ZNF467: variants seen among roughly 807,000 people sequenced by gnomAD.
ZNF467 encodes the protein zinc finger protein 467, also known as zinc finger protein EZI.
In ZNF467, 51 loss-of-function variants were observed where a neutral mutation model predicts 47.8. That is an observed-to-expected ratio of 1.07 (90% confidence interval 0.85 to 1.35). ZNF467 has a LOEUF of 1.35. ZNF467 is among the 40% of genes most tolerant of loss of function. The pLI, the probability that ZNF467 is intolerant of heterozygous loss-of-function variation, is 0.00. For synonymous variants in ZNF467, 416 were observed against 372.9 expected, an observed-to-expected ratio of 1.12 and a Z score of -1.33; for missense variants, 992 against 858.1, an observed-to-expected ratio of 1.16 and a Z score of -1.95.
chr7:149,768,520 C>T (rs563126956), intron 4 of ZNF467, among the ~76,000 whole-genome samples: 9 of 152,272 alleles, frequency 5.9e-5, no homozygotes, highest in African/African-American at 1.9e-4. Context: ...TGTATGTAGT[C>T]GGCACTCAAT....
intron 4 of ZNF467, among the ~76,000 whole-genome samples, chr7:149,766,636 C>T (rs1375551516): frequency 1.3e-5 from 2 of 152,224 alleles, no homozygotes; most frequent in East Asian, 1.9e-4. Flanking sequence ...AGCAGCTCTC[C>T]TTGGTACTGC....
rs1282129209 is a variant in ZNF467 at position 149,766,111 on chromosome 7, C to G, written c.391G>C (p.Ala131Pro). 1.2e-6 allele frequency: 2 copies of G among 1,608,290 alleles called. No individual in the cohort carries two copies. Among genetic ancestry groups the G allele is most frequent in the South Asian group, 2.2e-5 (2 of 90,770 alleles). The change falls in exon 5 of 5, where the codon GCT becomes CCT. Residue 131 changes from alanine to proline, a missense_variant. By Grantham distance (27) the Ala-to-Pro change is conservative. Transcript: ENST00000302017. ...PFPAPDLGHLAAAYKLEPGAP... is the reference protein window; with the variant it reads ...PFPAPDLGHLPAAYKLEPGAP... ...CCTGGCTCCAGTTTGTACGCGGCAG[C>G]CAGATGCCCCAGGTCAGGCGCGGGA...
upstream of ZNF467, among the ~76,000 whole-genome samples, chr7:149,773,999 T>C (rs1799508184): frequency 6.6e-6 from 1 of 150,970 alleles, no homozygotes; most frequent in Non-Finnish European, 1.5e-5. Context: ...TTAAGCCAGG[T>C]CCCCTGGGAG....
In ZNF467 at chr7:149,769,624, T is replaced by C. The variant is rs1006195175; in HGVS notation, c.152-424A>G. Among the ~76,000 whole-genome samples the C allele has an allele frequency of 1.3e-5, 2 of 152,220 alleles. No individual in the cohort carries two copies. The highest frequency in any genetic ancestry group is 4.8e-5 in the African/African-American group (2 of 41,458). On this transcript the variant is annotated intron_variant, in intron 3 of 4. Transcript: ENST00000302017. The surrounding 1 kb of genome is among the most constrained non-coding windows in gnomAD (Gnocchi z 5.3). ...GCCAGGCACATTCCTGCCTTAGTGCTCTGTCCTGGCTGTACTCCTGCCTGA... is the reference window on the plus strand; with the variant it reads ...GCCAGGCACATTCCTGCCTTAGTGCCCTGTCCTGGCTGTACTCCTGCCTGA...
In ZNF467 at chr7:149,765,749, C is replaced by A; in HGVS notation, c.753G>T (p.Lys251Asn). The part of the protein sequence containing the change: ...ERPYPCAECG[K>N]RFSQKIHLGS... The stretch of plus-strand genomic sequence containing the variant: ...CCAGGTGGATCTTCTGGCTGAAGCG[C>A]TTGCCGCACTCCGCGCACGGGTAGG... The change falls in exon 5 of 5, where the codon AAG becomes AAT. Residue 251 changes from lysine (K) to asparagine (N), a missense_variant. Transcript: ENST00000302017. The A allele has an allele frequency of 6.2e-7, 1 of 1,612,658 alleles. No individual in the cohort carries two copies. Among genetic ancestry groups the A allele is most frequent in the Non-Finnish European group, 8.5e-7 (1 of 1,179,556 alleles).
At position 149,765,287 on chromosome 7, in the gene ZNF467, G is replaced by C; in HGVS notation, c.1215C>G (p.Ser405Arg). The change falls in exon 5 of 5, where the codon AGC becomes AGG. Residue 405 changes from serine to arginine, a missense_variant. Physicochemically the swap from Ser to Arg is moderately radical, Grantham distance 110. Transcript: ENST00000302017. ...GGCCGCAGCCCGGTCCGCCAGGCGC[G>C]CTGGCCAGGGGCTTGGCGGCGGGGG... ...VDAPAAKPLASAPGGPGCGPG... is the reference protein window; with the variant it reads ...VDAPAAKPLARAPGGPGCGPG... The C allele has an allele frequency of 6.8e-7, 1 of 1,464,462 alleles. No homozygotes were observed. Among genetic ancestry groups the C allele is most frequent in the Non-Finnish European group, 9.0e-7 (1 of 1,107,634 alleles). The allele number at this position is 1,464,462 out of a possible 1,614,324, so 90.7% of individuals were successfully genotyped here. A position where few individuals can be genotyped will look rare whatever the true frequency, so the allele number is the denominator to read the frequency against.
intron 1 of ZNF467, among the ~76,000 whole-genome samples, chr7:149,772,262 C>G (rs866369732): frequency 0.019 from 736 of 37,936 alleles, 50 homozygotes; most frequent in African/African-American, 0.091. Context: ...CTCCCCCTCC[C>G]CCCTCCCTTC....
chr7:149,769,795 C>T lies in ZNF467; in HGVS notation c.152-595G>A, dbSNP rs529968898. ...CCTGGGCTTCAAGGGATCCTCCTGC[C>T]CCAGCCTCCCAAGTAGCTGGGAACA... On this transcript the variant is annotated intron_variant, in intron 3 of 4. Coordinates refer to ENST00000302017, the MANE Select transcript of ZNF467 (RefSeq NM_207336.3). The surrounding 1 kb of genome is among the most constrained non-coding windows in gnomAD (Gnocchi z 5.3). 5.3e-5 allele frequency among the ~76,000 whole-genome samples: 8 copies of T among 152,298 alleles called. No individual in the cohort carries two copies. The highest frequency in any genetic ancestry group is 1.2e-4 in the Non-Finnish European group (8 of 68,040).
At chr7:149,775,780 G>A (rs913930683), upstream of ZNF467, among the ~76,000 whole-genome samples, 1 of 151,720 alleles carries the variant, frequency 6.6e-6, no homozygotes, top group African/African-American at 2.4e-5. Context: ...CACTGGAAGG[G>A]GACAGGAAGG....
Position 149,764,553 on chromosome 7 carries a change from G to A in ZNF467, c.*161C>T, listed in dbSNP as rs1472221637. On this transcript the variant is annotated 3_prime_UTR_variant, in exon 5 of 5. Coordinates refer to ENST00000302017, the MANE Select transcript of ZNF467 (RefSeq NM_207336.3). ...GTCTCTGTCCTAGGAGGTCCGAGCT[G>A]GGTATGCTGTGCGGACGCAGACACT... 5 of 1,313,150 alleles carry A rather than the reference G, an allele frequency of 3.8e-6. No homozygotes were observed. Among genetic ancestry groups the A allele is most frequent in the African/African-American group, 1.5e-5 (1 of 68,680 alleles). 81.3% of individuals were successfully genotyped at this position (1,313,150 alleles called of 1,614,324 possible). A position where few individuals can be genotyped will look rare whatever the true frequency, so the allele number is the denominator to read the frequency against.
chr7:149,775,931 G>A, upstream of ZNF467: 1 of 820,840 alleles, frequency 1.2e-6, no homozygotes, highest in Non-Finnish European at 1.8e-6. Flanking sequence ...CTGCGGGGAG[G>A]CTGCGTGGGG....
chr7:149,770,522 T>C lies in ZNF467; in HGVS notation c.69A>G (p.Gln23=), dbSNP rs759742585. The C allele has an allele frequency of 3.0e-5, 49 of 1,613,518 alleles. No individual in the cohort carries two copies. The highest frequency in any genetic ancestry group is 5.3e-5 in the African/African-American group (4 of 74,876). ...FSVGQPEMAP[Q]SEPREGSHNA... ...TATGGGATCCTTCCCTGGGCTCACT[T>C]TGGGGGGCCATCTCTGGCTGTCCCA... is the stretch of plus-strand genomic sequence containing the variant. The change falls in exon 3 of 5, where the codon CAA becomes CAG. Residue 23 remains glutamine (Q), a synonymous_variant. Transcript: ENST00000302017.
chr7:149,766,346 A>G (rs1399522325), intron 4 of ZNF467, 107 bp from the exon 5 acceptor site: 3 of 1,464,346 alleles, frequency 2.0e-6, no homozygotes, highest in Non-Finnish European at 2.7e-6. Flanking sequence ...TCTGCTCTCC[A>G]CTCTACCTAA....
At chr7:149,775,924 C>T (rs189518616), upstream of ZNF467, 466 of 752,362 alleles carry the variant, frequency 6.2e-4, 1 homozygote, top group East Asian at 0.01. Context: ...CACTGGGCTG[C>T]GGGGAGGCTG....
rs755493842 is a variant in ZNF467, at chr7:149,770,440, C to G, written c.151G>C (p.Gly51Arg). 2 of 1,603,368 alleles carry G rather than the reference C, an allele frequency of 1.2e-6. No homozygotes were observed. Among genetic ancestry groups the G allele is most frequent in the African/African-American group, 2.7e-5 (2 of 74,454 alleles). Reference protein sequence around the residue: ...REERALGVCSGHEAPTPEEGA... With the variant: ...REERALGVCSRHEAPTPEEGA... ...CCTTTCCAGGGTTCCTGTTACCTAC[C>G]TGAGCACACCCCCAGTGCTCTCTCT... The change falls in exon 3 of 5, where the codon GGG (glycine) becomes CGG (arginine). Residue 51 changes from glycine to arginine, a missense_variant and splice_region_variant. By Grantham distance (125) the Gly-to-Arg change is moderately radical. Transcript: ENST00000302017.
chr7:149,767,984 C>G (rs1799274087), intron 4 of ZNF467, among the ~76,000 whole-genome samples: 1 of 152,226 alleles, frequency 6.6e-6, no homozygotes, highest in Non-Finnish European at 1.5e-5. Context: ...TTTCCTGCTT[C>G]AAGATCTTCT....
At position 149,765,793 on chromosome 7, in the gene ZNF467, T is replaced by G; in HGVS notation, c.709A>C (p.Thr237Pro). The change falls in exon 5 of 5, where the codon ACG (threonine) becomes CCG (proline). Residue 237 changes from threonine to proline, a missense_variant. Thr to Pro is a conservative substitution (Grantham distance 38). Coordinates refer to ENST00000302017, the MANE Select transcript of ZNF467 (RefSeq NM_207336.3). ...GGGTAGGGCCGCTCGCCCGTGTGCG[T>G]GCGCAGGTGGCGGGTCAGATGGGCC... ...KKAHLTRHLR[T>P]HTGERPYPCA... 4 of 1,611,470 alleles carry G rather than the reference T, an allele frequency of 2.5e-6. No individual in the cohort carries two copies. The highest frequency in any genetic ancestry group is 3.4e-6 in the Non-Finnish European group (4 of 1,179,014).
Position 149,773,152 on chromosome 7 carries a change from C to T in ZNF467, c.-87G>A, listed in dbSNP as rs1799481267. The T allele has an allele frequency of 6.7e-6, 1 of 149,472 alleles. No homozygotes were observed. The highest frequency in any genetic ancestry group is 2.1e-4 in the South Asian group (1 of 4,732). 9.3% of individuals were successfully genotyped at this position (149,472 alleles called of 1,614,324 possible). The stretch of plus-strand genomic sequence containing the variant: ...GCCCGCGCCGCGGGGACCCAGGCGC[C>T]CGGGCCTCCTGCCCCGCCGGCTCTG... On this transcript the variant is annotated 5_prime_UTR_variant, in exon 1 of 5. Coordinates refer to ENST00000302017, the MANE Select transcript of ZNF467 (RefSeq NM_207336.3).
upstream of ZNF467, among the ~76,000 whole-genome samples, chr7:149,773,642 G>T (rs1445327377): frequency 6.8e-6 from 1 of 147,980 alleles, no homozygotes. Context: ...GAGCGCGAAC[G>T]GGTGGGGGGG....
Sources: gnomAD v4.1 joint callset for allele counts (sites outside exome capture counted in the v4.1 genomes callset) on GRCh38, gnomAD v4.1.1 for gene constraint, Gnocchi (gnomAD v3.1) non-coding constraint, MANE v1.5 for transcripts, NCBI Gene and HGNC (gene_info 2026-07-23, HGNC 2026-07-21) for gene names.